The following KCNT2 variants were observed in gnomAD, a reference collection of about 807,000 sequenced individuals.
The protein encoded by KCNT2 is potassium sodium-activated channel subfamily T member 2, also known as potassium channel subfamily T member 2.
Under a neutral mutation model 153.8 loss-of-function variants are expected in KCNT2, and 67 were observed. The observed-to-expected ratio is 0.44, with a 90% CI of 0.36 to 0.53. The LOEUF is 0.53. Ranked by LOEUF, KCNT2 falls within the 20% of genes least tolerant of loss-of-function variation. KCNT2 has a pLI of 0.00. For synonymous variants in KCNT2, 500 were observed against 458.8 expected, an observed-to-expected ratio of 1.09 and a Z score of -1.15; for missense variants, 975 against 1,354.8, an observed-to-expected ratio of 0.72 and a Z score of 4.40.
chr1:196,588,680 C>T (rs1662980607), intron 1 of KCNT2, among the ~76,000 whole-genome samples: 1 of 151,836 alleles, frequency 6.6e-6, no homozygotes, highest in East Asian at 1.9e-4. Context: ...ATAGTGTTTT[C>T]TAATCAGTCA....
At chr1:196,410,233 T>C (rs889798728) in intron 12 of KCNT2, among the ~76,000 whole-genome samples, 1 of 151,822 alleles carries the variant, frequency 6.6e-6, no homozygotes, top group African/African-American at 2.4e-5. Flanking sequence ...TAATCCCTTA[T>C]TAGACATATG....
At chr1:196,569,782 C>T (rs4658040) in intron 1 of KCNT2, among the ~76,000 whole-genome samples, 127,969 of 152,114 alleles carry the variant, frequency 0.84, 57,989 homozygotes, top group Non-Finnish European at 1. Flanking sequence ...CTATTCATAC[C>T]TAAGCAACTG....
At chr1:196,592,650 C>G (rs1663516063) in intron 1 of KCNT2, among the ~76,000 whole-genome samples, 1 of 146,272 alleles carries the variant, frequency 6.8e-6, no homozygotes. Context: ...GTTAGAAATA[C>G]ATATATATGT....
At chr1:196,358,697 A>G (rs1667374824) in intron 14 of KCNT2, among the ~76,000 whole-genome samples, 1 of 151,946 alleles carries the variant, frequency 6.6e-6, no homozygotes, top group Non-Finnish European at 1.5e-5. Context: ...TTTTAAACAA[A>G]TCTATGTTTA....
chr1:196,227,196 T>G lies in KCNT2; in HGVS notation c.*1028A>C, dbSNP rs1653555387. On this transcript the variant is annotated 3_prime_UTR_variant, in exon 28 of 28. Transcript: ENST00000294725. ...TCAAAAATTTTAATACATCCTTCAT[T>G]GAGTGTTATTGTTTCATTACCAAAG... 6.6e-6 allele frequency: 1 copy of G among 152,014 alleles called. No individual in the cohort carries two copies. Among genetic ancestry groups the G allele is most frequent in the African/African-American group, 2.4e-5 (1 of 41,450 alleles). 9.4% of individuals were successfully genotyped at this position (152,014 alleles called of 1,614,324 possible).
chr1:196,235,920 A>T, intron 27 of KCNT2, 66 bp downstream of exon 27: 1 of 975,408 alleles, frequency 1.0e-6, no homozygotes, highest in Non-Finnish European at 1.6e-6. Flanking sequence ...GCCTAAATAT[A>T]AGTACAAAAA....
chr1:196,550,997 C>T (rs1558068172), intron 1 of KCNT2, among the ~76,000 whole-genome samples: 2 of 151,826 alleles, frequency 1.3e-5, no homozygotes, highest in Admixed American at 1.3e-4. Context: ...CCAGACTATG[C>T]TGTCTCAGTT....
At chr1:196,260,623 G>T (rs962794592) in intron 25 of KCNT2, among the ~76,000 whole-genome samples, 11 of 151,618 alleles carry the variant, frequency 7.3e-5, no homozygotes, top group Non-Finnish European at 1.5e-4. Context: ...AAGAATTTGA[G>T]GGTTAATTTT....
chr1:196,509,039 C>T (rs768141670), intron 1 of KCNT2, among the ~76,000 whole-genome samples: 4 of 152,004 alleles, frequency 2.6e-5, no homozygotes, highest in Non-Finnish European at 4.4e-5. Flanking sequence ...GAGGTTGAGG[C>T]GGGCAGATCA....
intron 21 of KCNT2, among the ~76,000 whole-genome samples, chr1:196,312,351 T>C (rs1385253582): frequency 6.6e-6 from 1 of 151,462 alleles, no homozygotes; most frequent in East Asian, 2.0e-4. Context: ...CAGAGAAAGT[T>C]TGCTGCTTTA....
At chr1:196,272,734 C>A (rs1658188015) in intron 25 of KCNT2, among the ~76,000 whole-genome samples, 1 of 151,818 alleles carries the variant, frequency 6.6e-6, no homozygotes, top group Non-Finnish European at 1.5e-5. Context: ...TTTCACTCAG[C>A]GTAATCTTGT....
chr1:196,229,256 T>C (rs1227472990), intron 27 of KCNT2, among the ~76,000 whole-genome samples: 1 of 152,086 alleles, frequency 6.6e-6, no homozygotes, highest in South Asian at 2.1e-4. Context: ...TGTGTCAGAT[T>C]TGGTAACTTG....
At chr1:196,590,826 T>C (rs973431390) in intron 1 of KCNT2, among the ~76,000 whole-genome samples, 1 of 152,218 alleles carries the variant, frequency 6.6e-6, no homozygotes, top group African/African-American at 2.4e-5. Flanking sequence ...CCAAATCCCA[T>C]GTTGAAAAGA....
At chr1:196,512,849 T>A (rs917593817) in intron 1 of KCNT2, among the ~76,000 whole-genome samples, 1 of 152,162 alleles carries the variant, frequency 6.6e-6, no homozygotes, top group South Asian at 2.1e-4. Context: ...TCATTGAAAG[T>A]ACTGTGATGT....
chr1:196,590,923 C>G (rs888667428), intron 1 of KCNT2, among the ~76,000 whole-genome samples: 10 of 152,124 alleles, frequency 6.6e-5, no homozygotes, highest in Admixed American at 5.2e-4. Context: ...GCCAGGAGTT[C>G]AAGACCTGCC....
intron 26 of KCNT2, chr1:196,257,883 A>G: frequency 1.0e-6 from 1 of 982,176 alleles, no homozygotes; most frequent in Non-Finnish European, 1.2e-6. Context: ...AGGCTACCTG[A>G]CTTAGGTTCT....
chr1:196,321,910 G>A (rs1663356844), intron 19 of KCNT2, among the ~76,000 whole-genome samples: 1 of 151,852 alleles, frequency 6.6e-6, no homozygotes, highest in Non-Finnish European at 1.5e-5. Flanking sequence ...TTTAGTAATT[G>A]AGTAACATAA....
intron 14 of KCNT2, among the ~76,000 whole-genome samples, chr1:196,370,739 A>C (rs549949166): frequency 6.6e-6 from 1 of 152,262 alleles, no homozygotes; most frequent in South Asian, 2.1e-4. Flanking sequence ...CCTATGTTAC[A>C]CAAAAACCTT....
chr1:196,297,257 A>C (rs1423566651), intron 22 of KCNT2, among the ~76,000 whole-genome samples: 5 of 152,096 alleles, frequency 3.3e-5, no homozygotes. Flanking sequence ...AACTTCATAA[A>C]ATTACCACAT....
Sources: gnomAD v4.1 joint callset for allele counts (sites outside exome capture counted in the v4.1 genomes callset) on GRCh38, gnomAD v4.1.1 for gene constraint, MANE v1.5 for transcripts, NCBI Gene and HGNC (gene_info 2026-07-23, HGNC 2026-07-21) for gene names.